Variants in SH3GL2 observed in about 807,000 individuals in gnomAD.
SH3GL2 encodes SH3 domain containing GRB2 like 2, endophilin A1.
In SH3GL2, 24 loss-of-function variants were observed where a neutral mutation model predicts 46.0. The ratio of observed to expected loss-of-function variants is 0.52; its 90% CI spans 0.38 to 0.73. The LOEUF (loss-of-function observed/expected upper bound fraction) is 0.73, where lower values mean the gene tolerates loss of function less well. Ranked by LOEUF, SH3GL2 falls within the 30% of genes least tolerant of loss-of-function variation. The probability of loss-of-function intolerance (pLI) is 0.00; values close to 1 mark genes in which losing one functional copy is unlikely to be tolerated. For missense variants in SH3GL2, 413 were observed against 424.2 expected (o/e 0.97, Z 0.23); for synonymous variants, 196 against 147.1 (o/e 1.33, Z -2.40).
chr9:17,612,303 A>G lies in SH3GL2; in HGVS notation c.45+33016A>G, dbSNP rs141828738. Among the ~76,000 whole-genome samples the G allele has an allele frequency of 4.5e-3, 680 of 152,252 alleles. 9 individuals carry two copies. Among genetic ancestry groups the G allele is most frequent in the African/African-American group, 0.015 (640 of 41,532 alleles). ...GTGGTAGTAGCTCTGGTCAGATTTT[A>G]CAACTTAGAATATGTTTTGAATCCA... On this transcript the variant is annotated intron_variant, in intron 1 of 8. Coordinates refer to ENST00000380607, the MANE Select transcript of SH3GL2 (RefSeq NM_003026.5).
At chr9:17,759,522 G>A (rs886067420) in intron 2 of SH3GL2, among the ~76,000 whole-genome samples, 13 of 152,146 alleles carry the variant, frequency 8.5e-5, no homozygotes, top group African/African-American at 2.9e-4. Context: ...CACACACACT[G>A]GAACTAGAAC....
At chr9:17,666,837 C>T (rs1820356463) in intron 1 of SH3GL2, among the ~76,000 whole-genome samples, 1 of 152,058 alleles carries the variant, frequency 6.6e-6, no homozygotes, top group South Asian at 2.1e-4. Context: ...GTCAAATTCC[C>T]ATCCATAAAG....
chr9:17,596,679 T>C (rs1234065058), intron 1 of SH3GL2, among the ~76,000 whole-genome samples: 1 of 152,224 alleles, frequency 6.6e-6, no homozygotes, highest in Non-Finnish European at 1.5e-5. Context: ...GTTAATAGTC[T>C]CTGGCAGGCT....
At chr9:17,788,765 A>T (rs1046000799) in intron 5 of SH3GL2, among the ~76,000 whole-genome samples, 2 of 152,104 alleles carry the variant, frequency 1.3e-5, no homozygotes, top group African/African-American at 2.4e-5. Context: ...TGGGAGGCTT[A>T]AACTAAATCA....
chr9:17,791,133 T>G, intron 6 of SH3GL2, 98 bp from the exon 7 acceptor site: 5 of 783,116 alleles, frequency 6.4e-6, no homozygotes, highest in Non-Finnish European at 1.1e-5. Context: ...CCAGGGGCTG[T>G]GTGTTGAGGG....
At chr9:17,711,222 GT>G in intron 1 of SH3GL2, among the ~76,000 whole-genome samples, 1 of 151,916 alleles carries the variant, frequency 6.6e-6, no homozygotes, top group African/African-American at 2.4e-5. Flanking sequence ...TACCATTAGT[GT>G]TTTTTTATTT....
At chr9:17,632,445 A>T (rs531708409) in intron 1 of SH3GL2, among the ~76,000 whole-genome samples, 5 of 152,278 alleles carry the variant, frequency 3.3e-5, no homozygotes, top group Admixed American at 6.5e-5. Context: ...CCCATATACT[A>T]TACAAATGTC....
At chr9:17,619,167 A>G (rs970606126) in intron 1 of SH3GL2, among the ~76,000 whole-genome samples, 1 of 152,210 alleles carries the variant, frequency 6.6e-6, no homozygotes, top group Non-Finnish European at 1.5e-5. Context: ...CTTGCTCAAG[A>G]TCCCCTAGTT....
chr9:17,665,861 G>A (rs1820329735), intron 1 of SH3GL2, among the ~76,000 whole-genome samples: 1 of 148,628 alleles, frequency 6.7e-6, no homozygotes, highest in Admixed American at 6.8e-5. Context: ...ATATGCATCT[G>A]TCTGTTCATC....
chr9:17,738,641 T>TATAGAGAGAGAGAG (rs376280314), intron 1 of SH3GL2, among the ~76,000 whole-genome samples: 1,690 of 88,774 alleles, frequency 0.019, 54 homozygotes, highest in Non-Finnish European at 0.03. Flanking sequence ...TATATATATA[T>TATAGAGAGAGAGAG]AGAGAGAGAG....
chr9:17,716,258 A>C (rs1473127890), intron 1 of SH3GL2, among the ~76,000 whole-genome samples: 3 of 152,002 alleles, frequency 2.0e-5, no homozygotes, highest in African/African-American at 7.2e-5. Flanking sequence ...CTTTAGTTGT[A>C]CGATATTGTG....
chr9:17,726,504 G>A (rs1406644455), intron 1 of SH3GL2, among the ~76,000 whole-genome samples: 1 of 152,136 alleles, frequency 6.6e-6, no homozygotes, highest in African/African-American at 2.4e-5. Context: ...GTGGAAGTAG[G>A]TTTTGACTCT....
chr9:17,772,723 A>G lies in SH3GL2; in HGVS notation c.187+11214A>G, dbSNP rs540299445. On this transcript the variant is annotated intron_variant, in intron 3 of 8. Transcript: ENST00000380607. ...TATTCTGTTGTGTGTAAATAGTGCA[A>G]TTTTTATATAGATTCACCTGTTGAT... 5.3e-5 allele frequency among the ~76,000 whole-genome samples: 8 copies of G among 152,216 alleles called. No homozygotes were observed. In the East Asian group the frequency reaches 1.4e-3, roughly 26 times the overall value.
At chr9:17,736,630 A>G (rs1247328360) in intron 1 of SH3GL2, among the ~76,000 whole-genome samples, 1 of 152,176 alleles carries the variant, frequency 6.6e-6, no homozygotes, top group Non-Finnish European at 1.5e-5. Flanking sequence ...AAAATGCTAT[A>G]TGGAGAACTG....
chr9:17,744,032 G>A (rs1232831921), intron 1 of SH3GL2, among the ~76,000 whole-genome samples: 2 of 152,168 alleles, frequency 1.3e-5, no homozygotes, highest in Non-Finnish European at 2.9e-5. Context: ...TTGGAATATA[G>A]TGAGTTTCCT....
chr9:17,759,621 C>T (rs1318432968), intron 2 of SH3GL2, among the ~76,000 whole-genome samples: 1 of 151,940 alleles, frequency 6.6e-6, no homozygotes, highest in African/African-American at 2.4e-5. Flanking sequence ...ATTTATAGTC[C>T]TTAGAACAGT....
At position 17,746,604 on chromosome 9, in the gene SH3GL2, T is replaced by C. The variant is rs1014198457; in HGVS notation, c.46-462T>C. On this transcript the variant is annotated intron_variant, in intron 1 of 8. Transcript: ENST00000380607. The stretch of plus-strand genomic sequence containing the variant: ...AGATTAGCTGGGCTGAGACTTTTTT[T>C]CTTTTCATAACAGTTTGATAGATGT... Among the ~76,000 whole-genome samples the C allele has an allele frequency of 1.9e-4, 29 of 152,342 alleles. 1 individual carries two copies. The highest frequency in any genetic ancestry group is 1.2e-3 in the Admixed American group (19 of 15,306).
At chr9:17,582,016 C>G (rs748105764) in intron 1 of SH3GL2, among the ~76,000 whole-genome samples, 4 of 152,248 alleles carry the variant, frequency 2.6e-5, no homozygotes, top group Admixed American at 1.3e-4. Flanking sequence ...AGTCTGTTCA[C>G]GCAAACGTTT....
intron 3 of SH3GL2, among the ~76,000 whole-genome samples, chr9:17,784,872 C>G (rs1357530883): frequency 9.9e-5 from 15 of 152,102 alleles, no homozygotes; most frequent in Admixed American, 9.8e-4. Flanking sequence ...ACCACCATGC[C>G]CTGCTAACTT....
Sources: allele counts gnomAD v4.1 joint callset (sites outside exome capture counted in the v4.1 genomes callset), GRCh38; gene constraint gnomAD v4.1.1; transcripts MANE v1.5; gene names NCBI Gene and HGNC (gene_info 2026-07-23, HGNC 2026-07-21).